SOCS7: variants seen among roughly 807,000 people sequenced by gnomAD.
SOCS7 encodes the protein NAP-4.
SOCS7 carries 18 observed loss-of-function variants against 58.9 expected under a neutral mutation model. The ratio of observed to expected loss-of-function variants is 0.31; its 90% CI spans 0.21 to 0.45. The LOEUF (loss-of-function observed/expected upper bound fraction) is 0.45. SOCS7 is among the 20% of genes least tolerant of loss of function. The pLI, the probability that SOCS7 is intolerant of heterozygous loss-of-function variation, is 1.00. For missense variants in SOCS7, 667 were observed against 837.3 expected, an observed-to-expected ratio of 0.80 and a Z score of 2.51; for synonymous variants, 388 against 364.3, an observed-to-expected ratio of 1.06 and a Z score of -0.74.
chr17:38,358,063 G>T (rs2037663499), intron 1 of SOCS7, among the ~76,000 whole-genome samples: 1 of 152,150 alleles, frequency 6.6e-6, no homozygotes, highest in African/African-American at 2.4e-5. Context: ...TGACACAAAG[G>T]ACTGCTGGCC....
At chr17:38,387,380 G>A (rs1321737560) in intron 7 of SOCS7, among the ~76,000 whole-genome samples, 1 of 145,572 alleles carries the variant, frequency 6.9e-6, no homozygotes, top group Non-Finnish European at 1.5e-5. Context: ...CTGGGAAGTG[G>A]AGATTACAGT....
intron 1 of SOCS7, among the ~76,000 whole-genome samples, chr17:38,354,700 T>C (rs1178803226): frequency 1.3e-5 from 2 of 152,294 alleles, no homozygotes; most frequent in Admixed American, 6.5e-5. Context: ...AGATGAAATT[T>C]TCATCAGATG....
chr17:38,376,928 G>T (rs930324955), intron 6 of SOCS7, among the ~76,000 whole-genome samples: 1 of 152,092 alleles, frequency 6.6e-6, no homozygotes, highest in African/African-American at 2.4e-5. Flanking sequence ...TTAGGTACAT[G>T]AATACTTACC....
Position 38,364,811 on chromosome 17 carries a change from C to T in SOCS7, c.1105C>T (p.Pro369Ser). ...ISQRGLTSPH[P>S]PTPPPPPRRS... ...TCAGCGGGGCCTGACCTCTCCACAC[C>T]CTCCAACTCCCCCTCCTCCTCCGAG... The change falls in exon 3 of 10, where the codon CCT becomes TCT. Residue 369 changes from proline to serine, a missense_variant. Transcript: ENST00000612932. The T allele has an allele frequency of 6.2e-7, 1 of 1,613,984 alleles. No individual in the cohort carries two copies. Among genetic ancestry groups the T allele is most frequent in the Non-Finnish European group, 8.5e-7 (1 of 1,179,974 alleles).
intron 5 of SOCS7, among the ~76,000 whole-genome samples, chr17:38,367,673 C>G (rs1555568574): frequency 6.6e-6 from 1 of 152,236 alleles, no homozygotes; most frequent in Non-Finnish European, 1.5e-5. Context: ...AGCTCACGGC[C>G]AGAATTATTA....
rs1382862942 is a variant in SOCS7 at position 38,352,751 on chromosome 17, G to A, written c.699G>A (p.Leu233=). 6.5e-7 allele frequency: 1 copy of A among 1,550,028 alleles called. No individual in the cohort carries two copies. The highest frequency in any genetic ancestry group is 1.4e-5 in the African/African-American group (1 of 73,170). Residue 233 remains leucine (L), a synonymous_variant, in exon 1 of 10, where the codon TTG becomes TTA. Transcript: ENST00000612932. This position sits in a 1 kb window ranked among gnomAD's most constrained non-coding sequence, Gnocchi z 5.5. ...LPPVPFPLQD[L]VPLGRLSRGE... ...CGGTGCCCTTCCCGCTGCAGGACTT[G>A]GTCCCTCTGGGGCGCCTGAGTAGAG...
chr17:38,387,576 A>G (rs1175095851), intron 7 of SOCS7, among the ~76,000 whole-genome samples: 1 of 120,484 alleles, frequency 8.3e-6, no homozygotes, highest in Non-Finnish European at 1.6e-5. Flanking sequence ...ATATATATAC[A>G]CAATATATTG....
At chr17:38,366,666 A>T (rs973827221) in intron 5 of SOCS7, among the ~76,000 whole-genome samples, 4 of 152,038 alleles carry the variant, frequency 2.6e-5, no homozygotes, top group Non-Finnish European at 4.4e-5. Flanking sequence ...GCTAAAATTT[A>T]TTTATATTTT....
chr17:38,376,736 A>T (rs1359315915), intron 6 of SOCS7, among the ~76,000 whole-genome samples: 1 of 152,094 alleles, frequency 6.6e-6, no homozygotes, highest in Non-Finnish European at 1.5e-5. Flanking sequence ...TGTCGCAAAA[A>T]AAAAAAAAAG....
chr17:38,360,683 G>A (rs1330911145), intron 1 of SOCS7, among the ~76,000 whole-genome samples: 1 of 152,050 alleles, frequency 6.6e-6, no homozygotes, highest in African/African-American at 2.4e-5. Context: ...GGGACTACAG[G>A]CACCCGCCAC....
Position 38,366,301 on chromosome 17 carries a change from A to G in SOCS7, c.1267A>G (p.Ile423Val), listed in dbSNP as rs1288821432. 1.5e-5 allele frequency: 24 copies of G among 1,613,828 alleles called. No homozygotes were observed. Among genetic ancestry groups the G allele is most frequent in the Non-Finnish European group, 1.7e-5 (20 of 1,179,996 alleles). The change falls in exon 5 of 10, where the codon ATT becomes GTT. Residue 423 changes from isoleucine to valine, a missense_variant. Transcript: ENST00000612932. Reference protein sequence around the residue: ...PPHAPDAFPRIAPIRAAESLH... With the variant: ...PPHAPDAFPRVAPIRAAESLH... ...TTGCCCTGCAGATGCATTTCCCCGG[A>G]TTGCTCCCATCCGAGCAGCTGAATC...
At chr17:38,398,379 G>A (rs1326764746) in intron 9 of SOCS7, among the ~76,000 whole-genome samples, 1 of 151,686 alleles carries the variant, frequency 6.6e-6, no homozygotes, top group Non-Finnish European at 1.5e-5. Context: ...GTGGGAGGCT[G>A]GGATTACAGG....
At chr17:38,370,195 GC>G (rs2037844249) in intron 6 of SOCS7, among the ~76,000 whole-genome samples, 1 of 151,798 alleles carries the variant, frequency 6.6e-6, no homozygotes, top group Admixed American at 6.6e-5. Context: ...ACAGGGTTTT[GC>G]CACGTTGGCC....
chr17:38,358,307 A>T (rs758624952), intron 1 of SOCS7, among the ~76,000 whole-genome samples: 2 of 152,226 alleles, frequency 1.3e-5, no homozygotes, highest in South Asian at 4.1e-4. Context: ...TTAAAATGTT[A>T]TCTGAAATTC....
chr17:38,393,638 A>G (rs867864952), intron 7 of SOCS7, among the ~76,000 whole-genome samples: 4 of 151,244 alleles, frequency 2.6e-5, no homozygotes, highest in South Asian at 2.1e-4. Context: ...ACTCTGTCTT[A>G]AAAAAACAAA....
rs55687042 is a variant in SOCS7, at chr17:38,395,937, A to G, written c.1907A>G (p.Lys636Arg). The change falls in exon 9 of 10, where the codon AAA becomes AGA. Residue 636 changes from lysine to arginine, a missense_variant. Physicochemically the swap from Lys to Arg is conservative, Grantham distance 26 (BLOSUM62 2). Transcript: ENST00000612932. Reference sequence around the variant, plus strand: ...CTAAAGGAAGCGCAGCTCATTTCCAAACAGAAGCAAGAGGTGGAACCCTCC... The same window carrying G: ...CTAAAGGAAGCGCAGCTCATTTCCAGACAGAAGCAAGAGGTGGAACCCTCC... ...LSLKEAQLIS[K>R]QKQEVEPST 0.036 allele frequency: 58,682 copies of G among 1,610,986 alleles called. 1,243 individuals carry two copies. Among genetic ancestry groups the G allele is most frequent in the Non-Finnish European group, 0.041 (48,764 of 1,179,198 alleles).
At chr17:38,365,228 CCTT>C (rs1555568116) in intron 3 of SOCS7, 77 bp from the exon 4 acceptor site, 11 of 1,062,686 alleles carry the variant, frequency 1.0e-5, no homozygotes, top group Admixed American at 4.3e-5. Flanking sequence ...GCCTGATAGT[CCTT>C]CTCCCTCTCC....
rs2038306005 is a variant in SOCS7, at chr17:38,400,590, G to A, written c.*1108G>A. ...CCTCACGGGATTTCCTTAGGTCAGA[G>A]GAGAGCATCGCATCTCACGTTTTTA... is the stretch of plus-strand genomic sequence containing the variant. On this transcript the variant is annotated 3_prime_UTR_variant, in exon 10 of 10. Coordinates refer to ENST00000612932, the MANE Select transcript of SOCS7 (RefSeq NM_014598.4). 1 of 152,222 alleles carries A rather than the reference G, an allele frequency of 6.6e-6. No homozygotes were observed. Among genetic ancestry groups the A allele is most frequent in the Non-Finnish European group, 1.5e-5 (1 of 68,050 alleles). 9.4% of individuals were successfully genotyped at this position (152,222 alleles called of 1,614,324 possible).
In SOCS7 at chr17:38,402,865, CCTGTTTATGACTGATCTA is replaced by C. The variant is rs2038340357; in HGVS notation, c.*3388_*3405del. The stretch of plus-strand genomic sequence containing the variant: ...GGCCTCAGTGCCTGCATAACCCTCA[CCTGTTTATGACTGATCTA>C]CTGTAACCTTCCTCAGGTTGAGAGT... On this transcript the variant is annotated 3_prime_UTR_variant, in exon 10 of 10. Transcript: ENST00000612932. 6.6e-6 allele frequency: 1 copy of C among 152,192 alleles called. No homozygotes were observed. Among genetic ancestry groups the C allele is most frequent in the Non-Finnish European group, 1.5e-5 (1 of 68,044 alleles). 9.4% of individuals were successfully genotyped at this position (152,192 alleles called of 1,614,324 possible).
Sources: allele counts gnomAD v4.1 joint callset (sites outside exome capture counted in the v4.1 genomes callset), GRCh38; gene constraint gnomAD v4.1.1; non-coding constraint Gnocchi (gnomAD v3.1); transcripts MANE v1.5; gene names NCBI Gene and HGNC (gene_info 2026-07-23, HGNC 2026-07-21).